The following TC2N variants were observed in gnomAD, a reference collection of about 807,000 sequenced individuals.
TC2N encodes the protein tandem C2 domains, nuclear.
In TC2N, 51 loss-of-function variants were observed where a neutral mutation model predicts 61.9. The observed-to-expected ratio is 0.82, with a 90% CI of 0.66 to 1.04. The LOEUF is 1.04. Ranked by LOEUF, TC2N falls within the 50% of genes least tolerant of loss-of-function variation. The probability of loss-of-function intolerance (pLI) is 0.00; values close to 1 mark genes in which losing one functional copy is unlikely to be tolerated. For missense variants in TC2N, 556 were observed against 566.7 expected (o/e 0.98, Z 0.19); for synonymous variants, 204 against 192.6 (o/e 1.06, Z -0.49).
At chr14:91,856,761 T>A (rs1440360625) in intron 1 of TC2N, among the ~76,000 whole-genome samples, 3 of 152,214 alleles carry the variant, frequency 2.0e-5, no homozygotes, top group African/African-American at 7.2e-5. Context: ...TTTCCAGTGA[T>A]GCTTATTCTA....
intron 1 of TC2N, among the ~76,000 whole-genome samples, chr14:91,836,890 G>T (rs1034966550): frequency 2.0e-5 from 3 of 152,194 alleles, no homozygotes; most frequent in Non-Finnish European, 4.4e-5. Flanking sequence ...AGTCTTTCTG[G>T]CGATGTTTAT....
intron 1 of TC2N, among the ~76,000 whole-genome samples, chr14:91,833,554 A>G (rs2139898922): frequency 6.6e-6 from 1 of 152,300 alleles, no homozygotes; most frequent in Non-Finnish European, 1.5e-5. Context: ...TCTCATCAAG[A>G]AAATGAATAT....
intron 5 of TC2N, 121 bp from the exon 6 acceptor site, chr14:91,799,185 G>C (rs1461195405): frequency 5.0e-6 from 3 of 594,894 alleles, no homozygotes; most frequent in African/African-American, 4.0e-5. Context: ...CAGTGTTACA[G>C]GTCAGAATTT....
intron 4 of TC2N, 55 bp downstream of exon 4, chr14:91,802,199 T>C: frequency 7.0e-7 from 1 of 1,425,132 alleles, no homozygotes; most frequent in Non-Finnish European, 9.3e-7. Context: ...TACATTTGAT[T>C]TCTAAATTTC....
At chr14:91,803,669 C>T (rs985252888) in intron 3 of TC2N, among the ~76,000 whole-genome samples, 1 of 152,014 alleles carries the variant, frequency 6.6e-6, no homozygotes, top group African/African-American at 2.4e-5. Context: ...GTTGGCCAGG[C>T]TGGTCTTGAA....
At chr14:91,842,744 A>G (rs557795750) in intron 1 of TC2N, among the ~76,000 whole-genome samples, 2 of 152,322 alleles carry the variant, frequency 1.3e-5, no homozygotes, top group East Asian at 1.9e-4. Flanking sequence ...GCGTTGAGAT[A>G]TGATAGCTAC....
chr14:91,850,070 T>G (rs1160824596), intron 1 of TC2N, among the ~76,000 whole-genome samples: 2 of 148,028 alleles, frequency 1.4e-5, no homozygotes, highest in Admixed American at 1.3e-4. Context: ...AAAAAAAGAT[T>G]GGGTTTAAAA....
chr14:91,807,120 C>T (rs1053646128), intron 3 of TC2N, among the ~76,000 whole-genome samples: 1 of 152,226 alleles, frequency 6.6e-6, no homozygotes, highest in Non-Finnish European at 1.5e-5. Flanking sequence ...GGTTTGGGAA[C>T]CTCCTCCTAG....
At chr14:91,784,071 C>T (rs1885247482) in intron 11 of TC2N, among the ~76,000 whole-genome samples, 1 of 152,070 alleles carries the variant, frequency 6.6e-6, no homozygotes, top group African/African-American at 2.4e-5. Flanking sequence ...ATCATAGTTC[C>T]TCCTAAGGCT....
chr14:91,794,540 T>C (rs1278851943), intron 8 of TC2N, among the ~76,000 whole-genome samples: 3 of 152,114 alleles, frequency 2.0e-5, no homozygotes, highest in Admixed American at 6.5e-5. Flanking sequence ...TTAAGTATTA[T>C]ACTAAATTAA....
chr14:91,797,824 T>C lies in TC2N; in HGVS notation c.816A>G (p.Lys272=). ...VSIKGILTLP[K]PVHFKSSAKE... ...TGGCTGAAGATTTGAAATGCACTGG[T>C]TTGGGCAATGTAAGTATTCCTTTTA... The change falls in exon 8 of 12, where the codon AAA becomes AAG. Residue 272 remains lysine (K), a synonymous_variant. Coordinates refer to ENST00000435962, the MANE Select transcript of TC2N (RefSeq NM_001128596.3). The C allele has an allele frequency of 1.2e-6, 2 of 1,611,140 alleles. No individual in the cohort carries two copies. The highest frequency in any genetic ancestry group is 1.7e-6 in the Non-Finnish European group (2 of 1,178,272).
chr14:91,800,567 AATC>A (rs1268040208), intron 4 of TC2N, among the ~76,000 whole-genome samples, 195 bp from the exon 5 acceptor site: 2 of 152,244 alleles, frequency 1.3e-5, no homozygotes, highest in Middle Eastern at 3.4e-3. Context: ...TTGAAACAGA[AATC>A]AACACAAATC....
At chr14:91,850,653 C>A (rs1012984128) in intron 1 of TC2N, among the ~76,000 whole-genome samples, 3 of 152,228 alleles carry the variant, frequency 2.0e-5, no homozygotes, top group Admixed American at 6.5e-5. Context: ...TAATGCCTGC[C>A]CAGGCACAGT....
intron 1 of TC2N, among the ~76,000 whole-genome samples, chr14:91,857,740 T>A (rs1337539338): frequency 6.6e-6 from 1 of 152,152 alleles, no homozygotes; most frequent in East Asian, 1.9e-4. Flanking sequence ...CACTATGATG[T>A]ACAGTCGCCT....
rs1405575060 is a variant in TC2N at position 91,781,702 on chromosome 14, A to T, written c.*1398T>A. On this transcript the variant is annotated 3_prime_UTR_variant, in exon 12 of 12. Transcript: ENST00000435962. ...AAATCTAAAACAAAAATATTTCAAAATGTTCAGTGGCAGAGAGTACTGGTA... is the reference window on the plus strand; with the variant it reads ...AAATCTAAAACAAAAATATTTCAAATTGTTCAGTGGCAGAGAGTACTGGTA... 6.6e-6 allele frequency: 1 copy of T among 152,160 alleles called. No homozygotes were observed. The highest frequency in any genetic ancestry group is 1.5e-5 in the Non-Finnish European group (1 of 67,980). The allele number at this position is 152,160 out of a possible 1,614,324, so 9.4% of individuals were successfully genotyped here.
intron 1 of TC2N, among the ~76,000 whole-genome samples, chr14:91,819,584 T>C (rs1171529576): frequency 6.6e-6 from 1 of 151,500 alleles, no homozygotes; most frequent in Non-Finnish European, 1.5e-5. Flanking sequence ...CAAAGGATAA[T>C]ATCTGATAGA....
chr14:91,786,020 G>A (rs1366188399), intron 10 of TC2N, among the ~76,000 whole-genome samples: 6 of 152,064 alleles, frequency 3.9e-5, no homozygotes, highest in Non-Finnish European at 8.8e-5. Flanking sequence ...AGTGCCTACA[G>A]CTCAAGCAGA....
intron 3 of TC2N, among the ~76,000 whole-genome samples, chr14:91,804,155 C>T (rs948951038): frequency 6.6e-6 from 1 of 152,146 alleles, no homozygotes; most frequent in Admixed American, 6.5e-5. Context: ...TACACACTCA[C>T]CAGAATGGTT....
chr14:91,782,807 C>G lies in TC2N; in HGVS notation c.*293G>C, dbSNP rs774380620. The stretch of plus-strand genomic sequence containing the variant: ...GAAAACATAATATAGAAAGAACTAT[C>G]TATGGTTGATATTCTCACAGACTTT... On this transcript the variant is annotated 3_prime_UTR_variant, in exon 12 of 12. Transcript: ENST00000435962. 11 of 287,370 alleles carry G rather than the reference C, an allele frequency of 3.8e-5. No individual in the cohort carries two copies. The highest frequency in any genetic ancestry group is 7.1e-5 in the Non-Finnish European group (11 of 155,198). The allele number at this position is 287,370 out of a possible 1,614,324, so 17.8% of individuals were successfully genotyped here. A position where few individuals can be genotyped will look rare whatever the true frequency, so the allele number is the denominator to read the frequency against.
Sources: gnomAD v4.1 joint callset for allele counts (sites outside exome capture counted in the v4.1 genomes callset) on GRCh38, gnomAD v4.1.1 for gene constraint, MANE v1.5 for transcripts, NCBI Gene and HGNC (gene_info 2026-07-23, HGNC 2026-07-21) for gene names.